The following TMEM178A variants were observed in gnomAD, a reference collection of about 807,000 sequenced individuals.
TMEM178A encodes transmembrane protein 178.
A neutral mutation model predicts 29.1 loss-of-function variants in TMEM178A; 12 were observed. The ratio of observed to expected loss-of-function variants is 0.41; its 90% CI spans 0.26 to 0.67. The LOEUF is 0.67. Among genes scored for constraint, TMEM178A ranks in the 30% least tolerant of loss-of-function variants. The pLI is 0.29. For synonymous variants in TMEM178A, 210 were observed against 187.2 expected, an observed-to-expected ratio of 1.12 and a Z score of -0.99; for missense variants, 366 against 419.1, an observed-to-expected ratio of 0.87 and a Z score of 1.11.
chr2:39,688,023 G>A (rs759026918), intron 1 of TMEM178A, among the ~76,000 whole-genome samples: 3 of 152,222 alleles, frequency 2.0e-5, no homozygotes, highest in Non-Finnish European at 2.9e-5. Context: ...CCTATCAGAT[G>A]AGGGAAATGT....
intron 1 of TMEM178A, 35 bp downstream of exon 1, chr2:39,666,409 C>A: frequency 2.3e-6 from 3 of 1,301,608 alleles, no homozygotes; most frequent in Middle Eastern, 2.0e-4. Context: ...CCCCGGCGCC[C>A]GCGCGTGGAG....
At chr2:39,720,799 T>TA (rs1672688364), downstream of TMEM178A, among the ~76,000 whole-genome samples, 1 of 152,096 alleles carries the variant, frequency 6.6e-6, no homozygotes, top group Admixed American at 6.5e-5. Flanking sequence ...AGGGAGCCCA[T>TA]AAAAAATGTA....
At chr2:39,711,919 C>A (rs575916547) in intron 3 of TMEM178A, among the ~76,000 whole-genome samples, 1 of 152,236 alleles carries the variant, frequency 6.6e-6, no homozygotes, top group South Asian at 2.1e-4. Flanking sequence ...AATATTCACA[C>A]TAAATGGGAT....
At chr2:39,711,206 A>G (rs1467052787) in intron 3 of TMEM178A, among the ~76,000 whole-genome samples, 2 of 152,206 alleles carry the variant, frequency 1.3e-5, no homozygotes, top group African/African-American at 4.8e-5. Flanking sequence ...TCTGCCCATT[A>G]CTAGACTATA....
At chr2:39,726,451 C>T in the TMEM178A span, among the ~76,000 whole-genome samples, 1 of 152,136 alleles carries the variant, frequency 6.6e-6, no homozygotes, top group African/African-American at 2.4e-5. Flanking sequence ...AGAGGGAAAC[C>T]AGGCTATCCA....
intron 1 of TMEM178A, among the ~76,000 whole-genome samples, chr2:39,702,111 G>T (rs72934295): frequency 0.028 from 4,197 of 150,340 alleles, 176 homozygotes; most frequent in African/African-American, 0.095. Flanking sequence ...GTACTTTTTT[G>T]GTTGAAAACT....
Position 39,699,240 on chromosome 2 carries a change from T to C in TMEM178A, c.401-4841T>C, listed in dbSNP as rs563760222. The stretch of plus-strand genomic sequence containing the variant: ...TGGGGTTTTCCTCTGTTGGCCAGGC[T>C]GGTCTTGAACTCCTGGCCTCAAGTG... On this transcript the variant is annotated intron_variant, in intron 1 of 3. Coordinates refer to ENST00000281961, the MANE Select transcript of TMEM178A (RefSeq NM_152390.3). Among the ~76,000 whole-genome samples, 6 of 151,954 alleles carry C rather than the reference T, an allele frequency of 3.9e-5. No individual in the cohort carries two copies. The East Asian group carries it at 1.2e-3, about 29-fold the overall frequency.
At position 39,700,625 on chromosome 2, in the gene TMEM178A, A is replaced by C. The variant is rs373065412; in HGVS notation, c.401-3456A>C. Among the ~76,000 whole-genome samples, 4 of 151,864 alleles carry C rather than the reference A, an allele frequency of 2.6e-5. No individual in the cohort carries two copies. In the East Asian group the frequency reaches 5.8e-4, roughly 22 times the overall value. On this transcript the variant is annotated intron_variant, in intron 1 of 3. Transcript: ENST00000281961. ...TTATGTTGTTTTATCTACAATGCCA[A>C]TCTCTGCCTTTTTATTGGAGTATAT...
chr2:39,690,786 A>C (rs1181117252), intron 1 of TMEM178A, among the ~76,000 whole-genome samples: 1 of 152,274 alleles, frequency 6.6e-6, no homozygotes, highest in African/African-American at 2.4e-5. Context: ...AATTCAAAAT[A>C]GTTGTCTTAA....
the TMEM178A span, among the ~76,000 whole-genome samples, chr2:39,725,398 G>A: frequency 2.8e-3 from 427 of 152,322 alleles, 3 homozygotes; most frequent in African/African-American, 9.6e-3. Context: ...ACCTAGTAAC[G>A]ATTGAGGAGC....
chr2:39,695,743 T>C (rs745452839), intron 1 of TMEM178A, among the ~76,000 whole-genome samples: 97 of 152,096 alleles, frequency 6.4e-4, no homozygotes, highest in Non-Finnish European at 1.2e-3. Flanking sequence ...GGGAACCCAA[T>C]TGTATGTTCC....
intron 1 of TMEM178A, among the ~76,000 whole-genome samples, chr2:39,699,494 T>C (rs1671688065): frequency 6.6e-6 from 1 of 152,050 alleles, no homozygotes; most frequent in South Asian, 2.1e-4. Flanking sequence ...TCTCACTCTG[T>C]CACCCAGGCT....
At chr2:39,689,773 C>G (rs1030935693) in intron 1 of TMEM178A, among the ~76,000 whole-genome samples, 1 of 152,142 alleles carries the variant, frequency 6.6e-6, no homozygotes, top group Non-Finnish European at 1.5e-5. Context: ...CACACAAAAA[C>G]ATTGATTTTG....
At chr2:39,725,276 A>C in the TMEM178A span, among the ~76,000 whole-genome samples, 10 of 152,188 alleles carry the variant, frequency 6.6e-5, no homozygotes, top group Non-Finnish European at 1.5e-4. Context: ...GTAAGAATAC[A>C]ATGAGTTAAG....
intron 1 of TMEM178A, among the ~76,000 whole-genome samples, chr2:39,692,523 A>G (rs1379395708): frequency 1.3e-5 from 2 of 152,226 alleles, no homozygotes; most frequent in African/African-American, 2.4e-5. Flanking sequence ...AGAAAAAAAG[A>G]CAGTGATTGA....
chr2:39,707,920 G>A (rs574921082), intron 3 of TMEM178A, among the ~76,000 whole-genome samples: 2 of 152,306 alleles, frequency 1.3e-5, no homozygotes, highest in Admixed American at 6.5e-5. Flanking sequence ...TTTAGTGATG[G>A]TGTCATTTTT....
At chr2:39,708,405 C>T in intron 3 of TMEM178A, among the ~76,000 whole-genome samples, 1 of 124,406 alleles carries the variant, frequency 8.0e-6, no homozygotes, top group Non-Finnish European at 1.6e-5. Flanking sequence ...AAAGGAGTGA[C>T]TTGATTTTTT....
In TMEM178A at chr2:39,709,723, T is replaced by C. The variant is rs115672857; in HGVS notation, c.652+2537T>C. On this transcript the variant is annotated intron_variant, in intron 3 of 3. Transcript: ENST00000281961. Reference sequence around the variant, plus strand: ...CTTGTCTCCATAAATATCAAAGAGGTACAGATGTGTTGCCTCCCAACACAT... The same window carrying C: ...CTTGTCTCCATAAATATCAAAGAGGCACAGATGTGTTGCCTCCCAACACAT... 3.7e-3 allele frequency among the ~76,000 whole-genome samples: 563 copies of C among 152,196 alleles called. 2 individuals are homozygous for C. The highest frequency in any genetic ancestry group is 0.013 in the African/African-American group (544 of 41,528).
intron 1 of TMEM178A, among the ~76,000 whole-genome samples, chr2:39,681,202 G>T (rs1248931076): frequency 6.6e-6 from 1 of 152,140 alleles, no homozygotes; most frequent in Admixed American, 6.5e-5. Context: ...TGGCAGATCT[G>T]CTACTCAACC....
Sources: allele counts gnomAD v4.1 joint callset (sites outside exome capture counted in the v4.1 genomes callset), GRCh38; gene constraint gnomAD v4.1.1; transcripts MANE v1.5; gene names NCBI Gene and HGNC (gene_info 2026-07-23, HGNC 2026-07-21).